Variants in FRMD1 observed in about 807,000 individuals in gnomAD.
FRMD1 encodes the protein FERM domain containing 1.
FRMD1 carries 51 observed loss-of-function variants against 54.9 expected under a neutral mutation model. That is an observed-to-expected ratio of 0.93 (90% confidence interval 0.74 to 1.17). The LOEUF is 1.17. FRMD1 is among the 50% of genes most tolerant of loss of function. The pLI is 0.00. For synonymous variants in FRMD1, 324 were observed against 306.4 expected (o/e 1.06, Z -0.60); for missense variants, 729 against 743.0 (o/e 0.98, Z 0.22).
At chr6:168,090,609 GA>G (rs1747036167) in intron 1 of FRMD1, among the ~76,000 whole-genome samples, 1 of 152,170 alleles carries the variant, frequency 6.6e-6, no homozygotes, top group Non-Finnish European at 1.5e-5. Flanking sequence ...AGAGTAACTT[GA>G]CCCCTGCCTG....
Position 168,078,868 on chromosome 6 carries a change from A to G in FRMD1, c.213+14T>C, listed in dbSNP as rs201028919. ...GCTCTGTTTACCCCCACGGCCACCC[A>G]GGGCCCTGCTCACCCCCACGGCCAG... is the stretch of plus-strand genomic sequence containing the variant. On this transcript the variant is annotated intron_variant, in intron 1 of 10. Coordinates refer to ENST00000283309, the MANE Select transcript of FRMD1 (RefSeq NM_024919.6). 117 of 1,537,382 alleles carry G rather than the reference A, an allele frequency of 7.6e-5. No individual in the cohort carries two copies. In the African/African-American group the frequency reaches 1.4e-3, roughly 19 times the overall value.
intron 1 of FRMD1, among the ~76,000 whole-genome samples, chr6:168,089,481 A>C (rs1800978318): frequency 1.3e-5 from 2 of 152,132 alleles, no homozygotes; most frequent in South Asian, 4.1e-4. Flanking sequence ...TCCCATGGGG[A>C]GCTGACCTCC....
chr6:168,062,748 C>G, intron 7 of FRMD1, 146 bp downstream of exon 7: 3 of 1,571,658 alleles, frequency 1.9e-6, no homozygotes, highest in Non-Finnish European at 2.6e-6. Context: ...TCCTGCGGGA[C>G]AGCAGAGGCA....
At chr6:168,079,261 G>T, upstream of FRMD1, 1 of 1,315,934 alleles carries the variant, frequency 7.6e-7, no homozygotes, top group Non-Finnish European at 1.0e-6. Context: ...CCAGGACAAG[G>T]GTCAGAGCTG....
intron 7 of FRMD1, 128 bp downstream of exon 7, chr6:168,062,766 T>TCCAGGCAGGGCCAGCCAGCGC: frequency 1.3e-6 from 2 of 1,589,462 alleles, no homozygotes; most frequent in Non-Finnish European, 1.7e-6. Context: ...GCAGGGCGCG[T>TCCAGGCAGGGCCAGCCAGCGC]CCAGGCAGGG....
Position 168,057,279 on chromosome 6 carries a change from G to A in FRMD1, c.1468C>T (p.Gln490Ter). The A allele has an allele frequency of 1.2e-6, 2 of 1,612,394 alleles. No homozygotes were observed. The highest frequency in any genetic ancestry group is 1.7e-6 in the Non-Finnish European group (2 of 1,179,670). The change falls in exon 11 of 11, where the codon CAG becomes TAG. Residue 490 changes from glutamine to a stop codon, truncating the protein, a stop_gained. Coordinates refer to ENST00000283309, the MANE Select transcript of FRMD1 (RefSeq NM_024919.6). LOFTEE classifies it low-confidence loss of function (END_TRUNC). ...EQHSHGLDDM[Q>*]LHQLALHPAP... is the part of the protein sequence containing the mutation. The stretch of plus-strand genomic sequence containing the variant: ...GGGTGCAGGGCCAGCTGGTGCAGCT[G>A]CATGTCGTCCAGGCCATGGCTGTGC...
chr6:168,084,800 C>G (rs1031697814), upstream of FRMD1, among the ~76,000 whole-genome samples: 1 of 152,240 alleles, frequency 6.6e-6, no homozygotes, highest in East Asian at 1.9e-4. Flanking sequence ...ACATAGCAGG[C>G]GTCCCATGGT....
chr6:168,061,065 GAGTGGGGAGCAC>G lies in FRMD1; in HGVS notation c.1046-20_1046-9del, dbSNP rs1562408023. On this transcript the variant is annotated splice_polypyrimidine_tract_variant and intron_variant, in intron 8 of 10. Coordinates refer to ENST00000283309, the MANE Select transcript of FRMD1 (RefSeq NM_024919.6). The stretch of plus-strand genomic sequence containing the variant: ...CCCGGTAGTGCTGCTTCTCTGTGGG[GAGTGGGGAGCAC>G]AGTGAGGGCGAGCTGGAGAGGGACC... 6.2e-7 allele frequency: 1 copy of G among 1,603,716 alleles called. No homozygotes were observed. The highest frequency in any genetic ancestry group is 1.7e-5 in the Admixed American group (1 of 59,380).
At chr6:168,066,566 G>A (rs889742231) in intron 4 of FRMD1, 189 bp downstream of exon 4, 103 of 1,406,124 alleles carry the variant, frequency 7.3e-5, no homozygotes, top group Non-Finnish European at 9.2e-5. Flanking sequence ...GACACAGTCT[G>A]TATACCTTTC....
At chr6:168,057,473 G>T in intron 10 of FRMD1, 134 bp from the exon 11 acceptor site, 4 of 1,356,536 alleles carry the variant, frequency 2.9e-6, no homozygotes, top group South Asian at 1.4e-5. Flanking sequence ...TGCATGGCCG[G>T]CCTGCCCCTG....
intron 1 of FRMD1, among the ~76,000 whole-genome samples, chr6:168,092,089 C>T (rs1801024882): frequency 6.6e-6 from 1 of 152,252 alleles, no homozygotes. Context: ...GCTCAAATGT[C>T]ATCTCTGTGG....
intron 2 of FRMD1, among the ~76,000 whole-genome samples, chr6:168,074,334 G>GC (rs1800453845): frequency 6.6e-6 from 1 of 152,154 alleles, no homozygotes; most frequent in African/African-American, 2.4e-5. Context: ...GGAGCCAACT[G>GC]CCCCCCAGAA....
chr6:168,086,922 C>T (rs1201019680), intron 1 of FRMD1, among the ~76,000 whole-genome samples: 2 of 152,246 alleles, frequency 1.3e-5, no homozygotes, highest in Non-Finnish European at 2.9e-5. Context: ...CACCCTCCTC[C>T]TTGAGGCCTG....
rs187509015 is a variant in FRMD1 at position 168,079,189 on chromosome 6, G to T, written c.-95C>A. On this transcript the variant is annotated 5_prime_UTR_variant, in exon 1 of 11. Transcript: ENST00000283309. ...GTGCTTTCCGGGACCCGCCCTTGCC[G>T]AGCTTCTCACTGGGAAGGGAATTGA... 5 of 1,427,460 alleles carry T rather than the reference G, an allele frequency of 3.5e-6. No homozygotes were observed. The highest frequency in any genetic ancestry group is 4.6e-6 in the Non-Finnish European group (5 of 1,091,412). 88.4% of individuals were successfully genotyped at this position (1,427,460 alleles called of 1,614,324 possible).
At chr6:168,082,185 G>C (rs997349151), upstream of FRMD1, among the ~76,000 whole-genome samples, 1 of 152,198 alleles carries the variant, frequency 6.6e-6, no homozygotes, top group African/African-American at 2.4e-5. Context: ...TGCACAATCA[G>C]CAACACCGAC....
upstream of FRMD1, among the ~76,000 whole-genome samples, chr6:168,083,957 C>T (rs1489375167): frequency 6.6e-6 from 1 of 152,200 alleles, no homozygotes; most frequent in Admixed American, 6.5e-5. Context: ...AAATGAGGGT[C>T]TCCCACACCT....
chr6:168,056,792 C>A lies in FRMD1; in HGVS notation c.*305G>T, dbSNP rs889455079. On this transcript the variant is annotated 3_prime_UTR_variant, in exon 11 of 11. Coordinates refer to ENST00000283309, the MANE Select transcript of FRMD1 (RefSeq NM_024919.6). ...CAGATTAGGATGGGTGACAGGCTGC[C>A]TCAGGGGCCAACACCATGGCTCTCT... 1.0e-4 allele frequency: 26 copies of A among 249,014 alleles called. No individual in the cohort carries two copies. Among genetic ancestry groups the A allele is most frequent in the Non-Finnish European group, 1.9e-4 (25 of 130,220 alleles). 15.4% of individuals were successfully genotyped at this position (249,014 alleles called of 1,614,324 possible). A position where few individuals can be genotyped will look rare whatever the true frequency, so the allele number is the denominator to read the frequency against.
At chr6:168,087,845 G>A (rs773575548) in intron 1 of FRMD1, among the ~76,000 whole-genome samples, 1 of 152,080 alleles carries the variant, frequency 6.6e-6, no homozygotes, top group African/African-American at 2.4e-5. Flanking sequence ...CACCCGTCTG[G>A]GCACGGAGAC....
intron 7 of FRMD1, chr6:168,062,545 G>T: frequency 1.0e-6 from 1 of 985,678 alleles, no homozygotes; most frequent in Non-Finnish European, 1.5e-6. Context: ...CGGCCCTGAT[G>T]CCCCCGAGAG....
Sources: allele counts gnomAD v4.1 joint callset (sites outside exome capture counted in the v4.1 genomes callset), GRCh38; gene constraint gnomAD v4.1.1; transcripts MANE v1.5; gene names NCBI Gene and HGNC (gene_info 2026-07-23, HGNC 2026-07-21).